SDCCAG8: variants seen among roughly 807,000 people sequenced by gnomAD.
The protein encoded by SDCCAG8 is SHH signaling and ciliogenesis regulator SDCCAG8, also known as serologically defined colon cancer antigen 8.
In SDCCAG8, 74 loss-of-function variants were observed where a neutral mutation model predicts 101.8. That is an observed-to-expected ratio of 0.73 (90% CI 0.60 to 0.88). The LOEUF (loss-of-function observed/expected upper bound fraction) is 0.88. Among genes scored for constraint, SDCCAG8 ranks in the 40% least tolerant of loss-of-function variants. SDCCAG8 has a pLI of 0.00. For missense variants in SDCCAG8, 787 were observed against 822.6 expected (o/e 0.96, Z 0.53); for synonymous variants, 281 against 292.9 (o/e 0.96, Z 0.41).
chr1:243,288,594 T>TG (rs1398699520), intron 5 of SDCCAG8, among the ~76,000 whole-genome samples: 1 of 152,176 alleles, frequency 6.6e-6, no homozygotes, highest in African/African-American at 2.4e-5. Context: ...TATCTTCTTT[T>TG]GGGGGGAAGG....
chr1:243,340,337 AG>A (rs1376174978), intron 10 of SDCCAG8, among the ~76,000 whole-genome samples: 1 of 152,228 alleles, frequency 6.6e-6, no homozygotes, highest in African/African-American at 2.4e-5. Context: ...GAGTGGACAC[AG>A]GCTACAAACA....
chr1:243,499,572 T>C, intron 17 of SDCCAG8, 184 bp from the exon 18 acceptor site: 1 of 643,398 alleles, frequency 1.6e-6, no homozygotes, highest in South Asian at 1.8e-5. Flanking sequence ...ATTTCATATG[T>C]GAAGGGCTTT....
chr1:243,424,815 A>G (rs1430566661), intron 15 of SDCCAG8, among the ~76,000 whole-genome samples: 4 of 151,808 alleles, frequency 2.6e-5, no homozygotes, highest in African/African-American at 4.8e-5. Context: ...TGTAAAATCT[A>G]TTTTTTTCTT....
chr1:243,435,409 G>A (rs1035534605), intron 16 of SDCCAG8, among the ~76,000 whole-genome samples: 2 of 152,178 alleles, frequency 1.3e-5, no homozygotes, highest in African/African-American at 4.8e-5. Context: ...CTGGCACAAC[G>A]TTAGTGCTTA....
intron 13 of SDCCAG8, among the ~76,000 whole-genome samples, chr1:243,400,543 G>T (rs767326120): frequency 6.6e-6 from 1 of 152,134 alleles, no homozygotes; most frequent in Non-Finnish European, 1.5e-5. Flanking sequence ...GGGGGTGTGG[G>T]GTGGGGAAGC....
chr1:243,287,069 C>T (rs1056293487), intron 5 of SDCCAG8, among the ~76,000 whole-genome samples: 25 of 152,134 alleles, frequency 1.6e-4, no homozygotes, highest in Non-Finnish European at 3.5e-4. Flanking sequence ...ATTCTAATGT[C>T]AGTGGCCCAG....
chr1:243,410,443 C>T (rs12746599), intron 13 of SDCCAG8, among the ~76,000 whole-genome samples: 2 of 152,132 alleles, frequency 1.3e-5, no homozygotes, highest in Non-Finnish European at 2.9e-5. Context: ...TAAATTCTCA[C>T]AAGTTTTTTC....
At chr1:243,340,254 T>A (rs1156629792) in intron 10 of SDCCAG8, among the ~76,000 whole-genome samples, 1 of 152,172 alleles carries the variant, frequency 6.6e-6, no homozygotes, top group African/African-American at 2.4e-5. Context: ...TGGAGGTATA[T>A]ATACTGAGAT....
chr1:243,465,950 G>A (rs530473351), intron 16 of SDCCAG8, among the ~76,000 whole-genome samples: 3 of 152,250 alleles, frequency 2.0e-5, no homozygotes, highest in East Asian at 1.9e-4. Context: ...AGAAGATACC[G>A]CTCATTTTTC....
chr1:243,309,687 G>C (rs1332371460), intron 8 of SDCCAG8, among the ~76,000 whole-genome samples: 1 of 152,074 alleles, frequency 6.6e-6, no homozygotes, highest in Non-Finnish European at 1.5e-5. Context: ...TTTTTTGGTA[G>C]AGATGGGGTC....
chr1:243,256,642 G>T (rs2149240485), intron 1 of SDCCAG8, among the ~76,000 whole-genome samples: 1 of 152,320 alleles, frequency 6.6e-6, no homozygotes, highest in East Asian at 1.9e-4. Flanking sequence ...GATCAGTGGG[G>T]GGAAACACTA....
intron 16 of SDCCAG8, among the ~76,000 whole-genome samples, chr1:243,484,462 ATTAG>A (rs1664371554): frequency 6.6e-6 from 1 of 152,200 alleles, no homozygotes. Context: ...TGGCATAATA[ATTAG>A]TTCCTGCCTC....
Position 243,467,387 on chromosome 1 carries a change from C to T in SDCCAG8, c.1986-21627C>T, listed in dbSNP as rs1420010377. Among the ~76,000 whole-genome samples, 21 of 152,262 alleles carry T rather than the reference C, an allele frequency of 1.4e-4. 1 individual carries two copies. In the East Asian group the frequency reaches 3.9e-3, roughly 28 times the overall value. ...CAGCTCCAGTCAGATAAAGGAGACA[C>T]CAGTGAGGGAGTGAACAGAATGGTA... On this transcript the variant is annotated intron_variant, in intron 16 of 17. Coordinates refer to ENST00000366541, the MANE Select transcript of SDCCAG8 (RefSeq NM_006642.5).
chr1:243,278,779 A>T (rs1027466805), intron 4 of SDCCAG8, among the ~76,000 whole-genome samples: 1 of 151,710 alleles, frequency 6.6e-6, no homozygotes, highest in Non-Finnish European at 1.5e-5. Context: ...TAAATTTTTC[A>T]TTTATTTTAA....
chr1:243,349,144 A>T (rs1163616345), intron 12 of SDCCAG8, among the ~76,000 whole-genome samples: 1 of 152,232 alleles, frequency 6.6e-6, no homozygotes, highest in Non-Finnish European at 1.5e-5. Flanking sequence ...TGCCCAAGAA[A>T]CTGCCATAAC....
intron 5 of SDCCAG8, among the ~76,000 whole-genome samples, chr1:243,290,693 A>C (rs1248638070): frequency 2.0e-5 from 3 of 152,188 alleles, no homozygotes; most frequent in Admixed American, 6.5e-5. Flanking sequence ...GATGTTTATC[A>C]TGAGGTTCTC....
chr1:243,300,622 A>G (rs1249654073), intron 6 of SDCCAG8, among the ~76,000 whole-genome samples: 2 of 152,072 alleles, frequency 1.3e-5, no homozygotes, highest in Non-Finnish European at 2.9e-5. Flanking sequence ...CTCACATTTT[A>G]CATTCCTGTG....
chr1:243,491,148 C>T (rs1217816351), intron 17 of SDCCAG8, among the ~76,000 whole-genome samples: 1 of 152,244 alleles, frequency 6.6e-6, no homozygotes, highest in Non-Finnish European at 1.5e-5. Context: ...TTTAACTCCC[C>T]ATCTGCCTGC....
chr1:243,415,856 T>C (rs751912145), intron 14 of SDCCAG8, 27 bp downstream of exon 14: 6 of 1,611,036 alleles, frequency 3.7e-6, no homozygotes, highest in Non-Finnish European at 4.2e-6. Flanking sequence ...GATTAGAGCC[T>C]GGGCACTAGC....
Sources: gnomAD v4.1 joint callset for allele counts (sites outside exome capture counted in the v4.1 genomes callset) on GRCh38, gnomAD v4.1.1 for gene constraint, MANE v1.5 for transcripts, NCBI Gene and HGNC (gene_info 2026-07-23, HGNC 2026-07-21) for gene names.